STXBP6: variants seen among roughly 807,000 people sequenced by gnomAD.
STXBP6 encodes the protein syntaxin binding protein 6.
In STXBP6, 21 loss-of-function variants were observed where a neutral mutation model predicts 26.9. That is an observed-to-expected ratio of 0.78 (90% CI 0.55 to 1.12). STXBP6 has a LOEUF of 1.12. STXBP6 is among the 50% of genes most tolerant of loss of function. The probability of loss-of-function intolerance (pLI) is 0.00; values close to 1 mark genes in which losing one functional copy is unlikely to be tolerated. For synonymous variants in STXBP6, 97 were observed against 92.6 expected (o/e 1.05, Z -0.27); for missense variants, 232 against 257.9 (o/e 0.90, Z 0.69).
chr14:24,860,002 A>T (rs1455932169), intron 2 of STXBP6, among the ~76,000 whole-genome samples: 1 of 152,204 alleles, frequency 6.6e-6, no homozygotes, highest in East Asian at 1.9e-4. Flanking sequence ...TTTGGCTTTC[A>T]TGTAGACTTG....
intron 2 of STXBP6, among the ~76,000 whole-genome samples, chr14:24,886,949 A>G (rs983425009): frequency 6.6e-6 from 1 of 152,114 alleles, no homozygotes; most frequent in Admixed American, 6.5e-5. Flanking sequence ...GAACCCTCCC[A>G]AAAGAGTCAT....
At chr14:25,044,050 A>T (rs2075685435) in intron 1 of STXBP6, among the ~76,000 whole-genome samples, 1 of 151,758 alleles carries the variant, frequency 6.6e-6, no homozygotes, top group African/African-American at 2.4e-5. Flanking sequence ...ACATGCCTGT[A>T]GTCCCAGCTA....
At chr14:24,949,559 T>C (rs984733510) in intron 2 of STXBP6, among the ~76,000 whole-genome samples, 2 of 152,186 alleles carry the variant, frequency 1.3e-5, no homozygotes, top group Non-Finnish European at 2.9e-5. Context: ...CGGAAGATAG[T>C]TATAAACAGA....
chr14:24,859,026 G>A (rs570644469), intron 2 of STXBP6, among the ~76,000 whole-genome samples: 3 of 152,218 alleles, frequency 2.0e-5, no homozygotes, highest in African/African-American at 7.2e-5. Context: ...TTGCTTCCAA[G>A]TAATTTACAG....
chr14:25,018,282 C>T (rs1330007668), intron 1 of STXBP6, among the ~76,000 whole-genome samples: 1 of 152,118 alleles, frequency 6.6e-6, no homozygotes, highest in Non-Finnish European at 1.5e-5. Flanking sequence ...TGGGTGCCTA[C>T]CCCAGGCCTA....
intron 1 of STXBP6, among the ~76,000 whole-genome samples, chr14:25,045,039 T>C (rs1175598016): frequency 6.6e-6 from 1 of 152,186 alleles, no homozygotes; most frequent in Non-Finnish European, 1.5e-5. Context: ...AATTAATTAA[T>C]AGCCATACTT....
intron 1 of STXBP6, among the ~76,000 whole-genome samples, chr14:25,004,134 AAAG>A (rs1490822765): frequency 5.9e-5 from 9 of 152,184 alleles, no homozygotes; most frequent in African/African-American, 1.4e-4. Flanking sequence ...GATTGCCAAA[AAAG>A]AAGAAGGCAG....
chr14:25,012,604 A>G (rs1422240594), intron 1 of STXBP6, among the ~76,000 whole-genome samples: 1 of 152,198 alleles, frequency 6.6e-6, no homozygotes, highest in Non-Finnish European at 1.5e-5. Context: ...TGTCTCAAAA[A>G]CAAAAAAACA....
chr14:24,947,470 A>G (rs773754484), intron 2 of STXBP6, among the ~76,000 whole-genome samples: 7 of 152,236 alleles, frequency 4.6e-5, no homozygotes, highest in Non-Finnish European at 8.8e-5. Flanking sequence ...CTTAAGAATG[A>G]CGCGCAAAGA....
intron 4 of STXBP6, among the ~76,000 whole-genome samples, chr14:24,830,130 A>G (rs906351156): frequency 2.0e-5 from 3 of 152,006 alleles, no homozygotes; most frequent in South Asian, 2.1e-4. Context: ...TAGAAGGGGG[A>G]AAGTGGCTTG....
At chr14:24,889,474 G>A (rs2139512844) in intron 2 of STXBP6, among the ~76,000 whole-genome samples, 1 of 148,670 alleles carries the variant, frequency 6.7e-6, no homozygotes, top group East Asian at 2.0e-4. Flanking sequence ...TAAATGACGA[G>A]TTAATGGGTG....
intron 2 of STXBP6, among the ~76,000 whole-genome samples, chr14:24,868,537 A>T (rs2069805308): frequency 6.6e-6 from 1 of 152,194 alleles, no homozygotes; most frequent in Non-Finnish European, 1.5e-5. Flanking sequence ...GAAAATGGAT[A>T]AACTGTGGTA....
At position 25,041,048 on chromosome 14, in the gene STXBP6, G is replaced by A. The variant is rs58701310; in HGVS notation, c.-33+8830C>T. ...TTAAAAAGAAAAAACGGGGCCAGGCGCGGTGGCTCACGCCTGTAATCCCAG... is the reference window on the plus strand; with the variant it reads ...TTAAAAAGAAAAAACGGGGCCAGGCACGGTGGCTCACGCCTGTAATCCCAG... On this transcript the variant is annotated intron_variant, in intron 1 of 5. Coordinates refer to ENST00000323944, the MANE Select transcript of STXBP6 (RefSeq NM_001394410.1). Among the ~76,000 whole-genome samples, 593 of 152,270 alleles carry A rather than the reference G, an allele frequency of 3.9e-3. 5 individuals are homozygous for A. The highest frequency in any genetic ancestry group is 0.012 in the African/African-American group (504 of 41,548).
At chr14:24,901,960 A>G (rs1469745470) in intron 2 of STXBP6, among the ~76,000 whole-genome samples, 1 of 152,198 alleles carries the variant, frequency 6.6e-6, no homozygotes, top group African/African-American at 2.4e-5. Flanking sequence ...TATGTAAAAT[A>G]TCAAGCTGTA....
intron 2 of STXBP6, among the ~76,000 whole-genome samples, chr14:24,906,970 T>G (rs1429186599): frequency 6.6e-6 from 1 of 152,070 alleles, no homozygotes; most frequent in African/African-American, 2.4e-5. Flanking sequence ...AAAGTGGATC[T>G]CATGGAGGTA....
chr14:24,960,229 A>G (rs901666334), intron 2 of STXBP6, among the ~76,000 whole-genome samples: 1 of 152,230 alleles, frequency 6.6e-6, no homozygotes, highest in African/African-American at 2.4e-5. Context: ...TTATATGCTC[A>G]CTACTGTGAG....
intron 4 of STXBP6, among the ~76,000 whole-genome samples, chr14:24,832,844 T>C (rs2068496198): frequency 1.3e-5 from 2 of 152,332 alleles, no homozygotes; most frequent in Non-Finnish European, 2.9e-5. Context: ...CCCATTTCCA[T>C]TTGTACTATT....
chr14:24,874,465 T>C (rs2070060067), intron 2 of STXBP6, among the ~76,000 whole-genome samples: 2 of 152,092 alleles, frequency 1.3e-5, no homozygotes, highest in Admixed American at 6.5e-5. Flanking sequence ...TTTATTATGC[T>C]ATAGGGTCCA....
intron 1 of STXBP6, among the ~76,000 whole-genome samples, chr14:24,987,352 AC>A (rs1235032512): frequency 6.6e-6 from 1 of 152,164 alleles, no homozygotes; most frequent in Non-Finnish European, 1.5e-5. Flanking sequence ...GCAAAATCCT[AC>A]ATCTTTGAGA....
Sources: gnomAD v4.1 joint callset for allele counts (sites outside exome capture counted in the v4.1 genomes callset) on GRCh38, gnomAD v4.1.1 for gene constraint, MANE v1.5 for transcripts, NCBI Gene and HGNC (gene_info 2026-07-23, HGNC 2026-07-21) for gene names.